The following SRGAP3 variants were observed in gnomAD, a reference collection of about 807,000 sequenced individuals.
SRGAP3 encodes SLIT-ROBO Rho GTPase-activating protein 3.
Under a neutral mutation model 121.1 loss-of-function variants are expected in SRGAP3, and 39 were observed. The observed-to-expected ratio is 0.32, with a 90% CI of 0.25 to 0.42. The LOEUF is 0.42. Among genes scored for constraint, SRGAP3 ranks in the 10% least tolerant of loss-of-function variants. The probability of loss-of-function intolerance (pLI) is 1.00; values close to 1 mark genes in which losing one functional copy is unlikely to be tolerated. For synonymous variants in SRGAP3, 601 were observed against 570.0 expected (o/e 1.05, Z -0.77); for missense variants, 1,213 against 1,470.6 (o/e 0.82, Z 2.86).
chr3:9,019,613 G>A (rs1184130353), intron 14 of SRGAP3, among the ~76,000 whole-genome samples: 2 of 152,218 alleles, frequency 1.3e-5, no homozygotes, highest in Non-Finnish European at 2.9e-5. Flanking sequence ...AAGCAGAACT[G>A]GAAACTCATC....
chr3:9,060,966 G>A (rs1425006737), intron 5 of SRGAP3, among the ~76,000 whole-genome samples: 5 of 152,120 alleles, frequency 3.3e-5, no homozygotes, highest in Admixed American at 2.0e-4. Context: ...GGCCAGGAGC[G>A]TTGGCCTGTA....
chr3:9,087,727 G>C (rs1947563981), intron 3 of SRGAP3, among the ~76,000 whole-genome samples: 1 of 152,164 alleles, frequency 6.6e-6, no homozygotes, highest in African/African-American at 2.4e-5. Context: ...GCTTCCTTCA[G>C]AGCAGGACTG....
At position 9,013,451 on chromosome 3, in the gene SRGAP3, A is replaced by G; in HGVS notation, c.2004T>C (p.Asp668=). Residue 668 remains aspartate (D), a synonymous_variant, in exon 17 of 22, where the codon GAT becomes GAC. Transcript: ENST00000383836. ...CCTGGCAGGACACAGGGTCCTGCCCATCAGGGATGTGCATGAGGGTAGGCC... is the reference window on the plus strand; with the variant it reads ...CCTGGCAGGACACAGGGTCCTGCCCGTCAGGGATGTGCATGAGGGTAGGCC... The part of the protein sequence containing the change: ...CFGPTLMHIP[D]GQDPVSCQAH... 3 of 1,614,128 alleles carry G rather than the reference A, an allele frequency of 1.9e-6. No individual in the cohort carries two copies. The highest frequency in any genetic ancestry group is 1.7e-6 in the Non-Finnish European group (2 of 1,180,036).
chr3:9,269,419 C>T (rs1271420644), intron 3 of SRGAP3, among the ~76,000 whole-genome samples: 1 of 152,190 alleles, frequency 6.6e-6, no homozygotes, highest in East Asian at 1.9e-4. Context: ...GTGATCTTTC[C>T]TTCAGGATGT....
intron 1 of SRGAP3, among the ~76,000 whole-genome samples, chr3:9,237,132 A>G (rs1387461213): frequency 6.6e-6 from 1 of 152,192 alleles, no homozygotes; most frequent in African/African-American, 2.4e-5. Context: ...CTGCTTCAGT[A>G]TGCACCCCAA....
intron 1 of SRGAP3, among the ~76,000 whole-genome samples, chr3:9,356,127 G>A (rs977223089): frequency 7.9e-5 from 12 of 151,894 alleles, no homozygotes; most frequent in South Asian, 2.1e-4. Flanking sequence ...ACATACTACC[G>A]GTGAACAACA....
chr3:9,320,509 C>T (rs1411086680), intron 3 of SRGAP3, among the ~76,000 whole-genome samples: 1 of 151,864 alleles, frequency 6.6e-6, no homozygotes, highest in East Asian at 1.9e-4. Flanking sequence ...CTTGCTCCTG[C>T]TCCTGCCATG....
At chr3:9,268,432 GC>G (rs2125259369) in intron 3 of SRGAP3, among the ~76,000 whole-genome samples, 1 of 152,032 alleles carries the variant, frequency 6.6e-6, no homozygotes, top group South Asian at 2.1e-4. Flanking sequence ...AACCTAGCTG[GC>G]CTCTAAATTC....
At chr3:9,288,130 G>GTGT (rs757388128) in intron 3 of SRGAP3, among the ~76,000 whole-genome samples, 1 of 119,100 alleles carries the variant, frequency 8.4e-6, no homozygotes, top group South Asian at 2.7e-4. Context: ...TTCTATCTTT[G>GTGT]TTTTTTTTTT....
At chr3:9,105,941 A>C (rs376558884) in intron 2 of SRGAP3, among the ~76,000 whole-genome samples, 2 of 152,214 alleles carry the variant, frequency 1.3e-5, no homozygotes, top group African/African-American at 4.8e-5. Flanking sequence ...ATTGCACACA[A>C]AGCCTATTTT....
intron 3 of SRGAP3, among the ~76,000 whole-genome samples, chr3:9,089,877 A>G (rs946690182): frequency 6.6e-6 from 1 of 152,110 alleles, no homozygotes; most frequent in East Asian, 1.9e-4. Context: ...CTTCTTTGGG[A>G]CGTTTCTCAT....
chr3:9,087,413 C>A (rs1947551194), intron 3 of SRGAP3, among the ~76,000 whole-genome samples: 1 of 151,902 alleles, frequency 6.6e-6, no homozygotes, highest in Non-Finnish European at 1.5e-5. Flanking sequence ...TAACTTTTCC[C>A]TTAAGAATCT....
At chr3:9,095,321 C>T (rs766453219) in intron 3 of SRGAP3, among the ~76,000 whole-genome samples, 14 of 151,540 alleles carry the variant, frequency 9.2e-5, no homozygotes, top group South Asian at 4.2e-4. Flanking sequence ...ATGGTTTGTG[C>T]TTTCTAATGT....
At chr3:9,258,992 C>T (rs1954194665) in intron 3 of SRGAP3, among the ~76,000 whole-genome samples, 1 of 152,200 alleles carries the variant, frequency 6.6e-6, no homozygotes, top group Non-Finnish European at 1.5e-5. Flanking sequence ...CCCATGAGCC[C>T]ACGGGATTGG....
intron 3 of SRGAP3, among the ~76,000 whole-genome samples, chr3:9,284,500 C>T (rs1954734467): frequency 6.6e-6 from 1 of 152,268 alleles, no homozygotes; most frequent in Non-Finnish European, 1.5e-5. Context: ...AAAGTCAACA[C>T]AGTGAAATGG....
In SRGAP3 at chr3:9,239,914, T is replaced by C. The variant is rs1312259343; in HGVS notation, c.67+8971A>G. On this transcript the variant is annotated intron_variant, in intron 1 of 21. Transcript: ENST00000383836. The surrounding 1 kb of genome is among the most constrained non-coding windows in gnomAD (Gnocchi z 4.0). ...GATCCATGAATTGTGCAGCCTGACATATTCTAAAATGTAACTCAGAAAACA... is the reference window on the plus strand; with the variant it reads ...GATCCATGAATTGTGCAGCCTGACACATTCTAAAATGTAACTCAGAAAACA... Among the ~76,000 whole-genome samples, 2 of 152,180 alleles carry C rather than the reference T, an allele frequency of 1.3e-5. No individual in the cohort carries two copies. The highest frequency in any genetic ancestry group is 2.9e-5 in the Non-Finnish European group (2 of 68,038).
At chr3:9,060,406 C>A (rs753322307) in intron 5 of SRGAP3, 47 bp from the exon 6 acceptor site, 3 of 1,469,992 alleles carry the variant, frequency 2.0e-6, no homozygotes, top group Admixed American at 3.5e-5. Flanking sequence ...TTTAAGAGGA[C>A]GGGGTTTGTG....
intron 4 of SRGAP3, among the ~76,000 whole-genome samples, chr3:9,075,535 A>T (rs1370381423): frequency 6.6e-6 from 1 of 152,200 alleles, no homozygotes; most frequent in Admixed American, 6.5e-5. Flanking sequence ...AATGAACAAA[A>T]TGCCTGGCCT....
In SRGAP3 at chr3:9,261,967, C is replaced by T. The variant is rs563650413; in HGVS notation, n.442+64043G>A. On this transcript the variant is annotated intron_variant and non_coding_transcript_variant, in intron 3 of 3. Coordinates refer to the SRGAP3 transcript ENST00000490889. The stretch of plus-strand genomic sequence containing the variant: ...GTTTAGGGCAGCCAGAGAGAAAGGT[C>T]GGGTTACCTACAAAGGGAAGCCCAT... Among the ~76,000 whole-genome samples, 13 of 151,650 alleles carry T rather than the reference C, an allele frequency of 8.6e-5. No homozygotes were observed. In the East Asian group the frequency reaches 1.5e-3, roughly 18 times the overall value.
Sources: allele counts gnomAD v4.1 joint callset (sites outside exome capture counted in the v4.1 genomes callset), GRCh38; gene constraint gnomAD v4.1.1; non-coding constraint Gnocchi (gnomAD v3.1); transcripts MANE v1.5; gene names NCBI Gene and HGNC (gene_info 2026-07-23, HGNC 2026-07-21).